NRP1: variants seen among roughly 807,000 people sequenced by gnomAD.
The protein encoded by NRP1 is neuropilin-1.
In NRP1, 35 loss-of-function variants were observed where a neutral mutation model predicts 106.7. That is an observed-to-expected ratio of 0.33 (90% CI 0.25 to 0.43). The LOEUF (loss-of-function observed/expected upper bound fraction) is 0.43, where lower values mean the gene tolerates loss of function less well. Ranked by LOEUF, NRP1 falls within the 20% of genes least tolerant of loss-of-function variation. The probability of loss-of-function intolerance (pLI) is 1.00; values close to 1 mark genes in which losing one functional copy is unlikely to be tolerated. For missense variants in NRP1, 1,024 were observed against 1,170.4 expected, an observed-to-expected ratio of 0.87 and a Z score of 1.83; for synonymous variants, 437 against 417.9, an observed-to-expected ratio of 1.05 and a Z score of -0.56.
At chr10:33,302,186 C>T (rs1357836280) in intron 2 of NRP1, among the ~76,000 whole-genome samples, 16 of 152,200 alleles carry the variant, frequency 1.1e-4, no homozygotes, top group Admixed American at 9.8e-4. Context: ...AACAAACACA[C>T]ATACAAACTA....
intron 6 of NRP1, among the ~76,000 whole-genome samples, chr10:33,240,148 G>A (rs1840902800): frequency 6.6e-6 from 1 of 152,188 alleles, no homozygotes; most frequent in Non-Finnish European, 1.5e-5. Context: ...TGGCTGTGCA[G>A]TGAGGCAAGG....
intron 3 of NRP1, among the ~76,000 whole-genome samples, chr10:33,264,679 T>C (rs1256081852): frequency 6.6e-6 from 1 of 152,244 alleles, no homozygotes; most frequent in Admixed American, 6.5e-5. Flanking sequence ...TTACAAATTA[T>C]GGTGATTTGT....
At chr10:33,250,173 C>T (rs185268207) in intron 6 of NRP1, among the ~76,000 whole-genome samples, 9 of 152,276 alleles carry the variant, frequency 5.9e-5, no homozygotes, top group Non-Finnish European at 1.2e-4. Flanking sequence ...ATTAGAGGTA[C>T]GTGCCTCTTG....
At chr10:33,202,648 A>G in intron 11 of NRP1, 1 of 1,539,880 alleles carries the variant, frequency 6.5e-7, no homozygotes, top group Non-Finnish European at 8.8e-7. Context: ...AATTAAGATA[A>G]TCCTAGCCTT....
intron 2 of NRP1, among the ~76,000 whole-genome samples, chr10:33,281,208 C>T (rs1234417822): frequency 6.6e-6 from 1 of 151,994 alleles, no homozygotes; most frequent in Non-Finnish European, 1.5e-5. Flanking sequence ...CACCACCACA[C>T]CCAGCTAATT....
intron 6 of NRP1, among the ~76,000 whole-genome samples, chr10:33,236,249 A>G (rs1840544705): frequency 6.6e-6 from 1 of 152,244 alleles, no homozygotes; most frequent in East Asian, 1.9e-4. Flanking sequence ...CAGAGAAAAA[A>G]TAAGTATGCT....
chr10:33,248,148 G>A (rs538662978), intron 6 of NRP1, among the ~76,000 whole-genome samples: 8 of 152,106 alleles, frequency 5.3e-5, no homozygotes, highest in Non-Finnish European at 1.2e-4. Context: ...AAATTACCTG[G>A]GCTTGGTGGC....
intron 6 of NRP1, among the ~76,000 whole-genome samples, chr10:33,250,701 T>C (rs762859733): frequency 1.3e-5 from 2 of 152,242 alleles, no homozygotes; most frequent in East Asian, 1.9e-4. Flanking sequence ...TTCTCTGAAC[T>C]TCAGCAATCT....
chr10:33,319,006 T>C (rs796407746), intron 2 of NRP1, among the ~76,000 whole-genome samples: 4,787 of 136,144 alleles, frequency 0.035, 265 homozygotes, highest in African/African-American at 0.12. Context: ...TTCTTTCTTT[T>C]TTTTTTTTTT....
chr10:33,240,338 G>C (rs1233023803), intron 6 of NRP1, among the ~76,000 whole-genome samples: 1 of 152,188 alleles, frequency 6.6e-6, no homozygotes, highest in East Asian at 1.9e-4. Flanking sequence ...TACCCATAAA[G>C]TTTTATCTGC....
intron 10 of NRP1, among the ~76,000 whole-genome samples, chr10:33,206,780 T>C (rs1392480099): frequency 6.6e-6 from 1 of 152,208 alleles, no homozygotes; most frequent in Non-Finnish European, 1.5e-5. Flanking sequence ...TTCTAGTGCA[T>C]AAATATATTA....
intron 2 of NRP1, among the ~76,000 whole-genome samples, chr10:33,323,041 C>A (rs1363103261): frequency 6.6e-6 from 1 of 151,996 alleles, no homozygotes; most frequent in Non-Finnish European, 1.5e-5. Context: ...AGTGCTCATC[C>A]CCATAATGGG....
chr10:33,228,694 G>T (rs1839874651), intron 6 of NRP1, among the ~76,000 whole-genome samples: 1 of 152,140 alleles, frequency 6.6e-6, no homozygotes, highest in Non-Finnish European at 1.5e-5. Flanking sequence ...AGCAGTAGTG[G>T]TAGATTTCAT....
chr10:33,252,514 C>G (rs538744157), intron 6 of NRP1, among the ~76,000 whole-genome samples: 1 of 152,268 alleles, frequency 6.6e-6, no homozygotes, highest in African/African-American at 2.4e-5. Flanking sequence ...CATCTGTATG[C>G]TCCCCTAGAG....
chr10:33,258,310 A>G (rs1842341677), intron 4 of NRP1, among the ~76,000 whole-genome samples: 1 of 152,246 alleles, frequency 6.6e-6, no homozygotes, highest in South Asian at 2.1e-4. Context: ...AAAATGGTTC[A>G]CCTATTTGAG....
intron 6 of NRP1, among the ~76,000 whole-genome samples, chr10:33,235,469 C>T (rs186281572): frequency 1.2e-4 from 19 of 152,362 alleles, no homozygotes; most frequent in Admixed American, 2.0e-4. Context: ...GAGCAACGCA[C>T]GGAACTGTGG....
intron 8 of NRP1, among the ~76,000 whole-genome samples, chr10:33,221,283 A>G (rs552636545): frequency 1.3e-5 from 2 of 152,328 alleles, no homozygotes; most frequent in East Asian, 3.9e-4. Flanking sequence ...TTGTAAATCT[A>G]CTAAGTAGTA....
intron 13 of NRP1, among the ~76,000 whole-genome samples, chr10:33,188,563 T>G (rs557228137): frequency 8.9e-4 from 135 of 152,030 alleles, no homozygotes; most frequent in Non-Finnish European, 1.6e-3. Context: ...GTCCCTGCCT[T>G]CTCACACTGT....
intron 15 of NRP1, among the ~76,000 whole-genome samples, chr10:33,184,552 C>T (rs1337940103): frequency 6.6e-6 from 1 of 152,168 alleles, no homozygotes; most frequent in Non-Finnish European, 1.5e-5. Context: ...ATGAAATACA[C>T]ATTTTTACAG....
Sources: gnomAD v4.1 joint callset for allele counts (sites outside exome capture counted in the v4.1 genomes callset) on GRCh38, gnomAD v4.1.1 for gene constraint, MANE v1.5 for transcripts, NCBI Gene and HGNC (gene_info 2026-07-23, HGNC 2026-07-21) for gene names.